DCLK2: variants seen among roughly 807,000 people sequenced by gnomAD.
The protein encoded by DCLK2 is doublecortin like kinase 2, also known as serine/threonine-protein kinase DCLK2.
DCLK2 carries 31 observed loss-of-function variants against 78.4 expected under a neutral mutation model. The observed-to-expected ratio is 0.40, with a 90% CI of 0.30 to 0.53. The LOEUF (loss-of-function observed/expected upper bound fraction) is 0.53. Among genes scored for constraint, DCLK2 ranks in the 20% least tolerant of loss-of-function variants. The pLI is 0.61. For synonymous variants in DCLK2, 407 were observed against 374.9 expected (o/e 1.09, Z -0.99); for missense variants, 872 against 973.7 (o/e 0.90, Z 1.39).
chr4:150,220,403 A>G (rs879135902), intron 5 of DCLK2, among the ~76,000 whole-genome samples: 1 of 152,220 alleles, frequency 6.6e-6, no homozygotes, highest in African/African-American at 2.4e-5. Context: ...ACTAATAACT[A>G]TCTTATCCAG....
intron 2 of DCLK2, among the ~76,000 whole-genome samples, chr4:150,178,421 C>T (rs541327667): frequency 5.9e-4 from 90 of 151,980 alleles, no homozygotes; most frequent in African/African-American, 1.9e-3. Context: ...ATAATTCAAA[C>T]GGATGGCATG....
At chr4:150,252,016 C>T (rs997525093) in intron 15 of DCLK2, among the ~76,000 whole-genome samples, 1 of 152,116 alleles carries the variant, frequency 6.6e-6, no homozygotes, top group Non-Finnish European at 1.5e-5. Context: ...TTTGGGGGCG[C>T]TCTGTGCCAA....
intron 5 of DCLK2, among the ~76,000 whole-genome samples, chr4:150,207,233 G>A (rs1383886873): frequency 1.3e-5 from 2 of 152,202 alleles, no homozygotes; most frequent in Non-Finnish European, 2.9e-5. Context: ...ATGTGCAGGA[G>A]CTGACAGTCT....
intron 2 of DCLK2, chr4:150,175,527 C>T (rs923250955): frequency 5.3e-5 from 8 of 151,932 alleles, no homozygotes; most frequent in Non-Finnish European, 1.2e-4. Flanking sequence ...TAAGGCAGAA[C>T]ACGTGAGAAA....
intron 5 of DCLK2, among the ~76,000 whole-genome samples, chr4:150,214,818 C>G (rs1008315738): frequency 6.6e-6 from 1 of 151,904 alleles, no homozygotes; most frequent in Non-Finnish European, 1.5e-5. Context: ...AAAAATTAGC[C>G]AGGCGTGGTG....
At chr4:150,104,027 C>T (rs1038524331) in intron 2 of DCLK2, among the ~76,000 whole-genome samples, 1 of 151,656 alleles carries the variant, frequency 6.6e-6, no homozygotes, top group African/African-American at 2.4e-5. Context: ...TTTGACAAAT[C>T]AAATAGTTGA....
intron 2 of DCLK2, among the ~76,000 whole-genome samples, chr4:150,177,466 C>G (rs1737175563): frequency 6.6e-6 from 1 of 152,044 alleles, no homozygotes; most frequent in Non-Finnish European, 1.5e-5. Context: ...ACATCTTTTC[C>G]TCCATCGAAG....
intron 3 of DCLK2, among the ~76,000 whole-genome samples, chr4:150,197,511 T>C (rs1373031990): frequency 6.6e-6 from 1 of 152,152 alleles, no homozygotes; most frequent in Admixed American, 6.5e-5. Context: ...CCTAGCACTT[T>C]GGGAGGCTGA....
At position 150,255,901 on chromosome 4, in the gene DCLK2, G is replaced by A. The variant is rs1006233116; in HGVS notation, c.2074-119G>A. ...GTGAGGCTTCTGTTAGAAGCTTGGC[G>A]TTATTTCTCCTCTTCTGTTTCTGAG... On this transcript the variant is annotated intron_variant, in intron 15 of 15. Transcript: ENST00000296550. The A allele has an allele frequency of 1.3e-5, 19 of 1,452,930 alleles. No individual in the cohort carries two copies. In the African/African-American group the frequency reaches 2.0e-4, roughly 15 times the overall value. The allele number at this position is 1,452,930 out of a possible 1,614,324, so 90.0% of individuals were successfully genotyped here. A position where few individuals can be genotyped will look rare whatever the true frequency, so the allele number is the denominator to read the frequency against.
At chr4:150,220,068 C>T (rs1419327915) in intron 5 of DCLK2, among the ~76,000 whole-genome samples, 3 of 152,112 alleles carry the variant, frequency 2.0e-5, no homozygotes, top group African/African-American at 7.2e-5. Context: ...AGGACTTGGA[C>T]CAGGGTGGTG....
chr4:150,105,285 A>G (rs994787567), intron 2 of DCLK2, among the ~76,000 whole-genome samples: 5 of 152,180 alleles, frequency 3.3e-5, no homozygotes, highest in African/African-American at 1.2e-4. Flanking sequence ...GCAAGGGTTT[A>G]TATGCTTTAA....
intron 2 of DCLK2, among the ~76,000 whole-genome samples, chr4:150,105,721 C>T (rs867461441): frequency 7.2e-5 from 11 of 151,856 alleles, no homozygotes; most frequent in Middle Eastern, 3.2e-3. Context: ...TGTTATATTA[C>T]CATGGAATTC....
chr4:150,206,706 A>G (rs1015966411), intron 5 of DCLK2, among the ~76,000 whole-genome samples: 19 of 152,210 alleles, frequency 1.2e-4, no homozygotes, highest in African/African-American at 4.3e-4. Context: ...ACTGAATTTT[A>G]CATTAAACAT....
At chr4:150,154,388 A>G (rs981480716) in intron 2 of DCLK2, among the ~76,000 whole-genome samples, 3 of 152,196 alleles carry the variant, frequency 2.0e-5, no homozygotes, top group African/African-American at 7.2e-5. Flanking sequence ...GCAAAGATAA[A>G]CCAGATTGGA....
At chr4:150,180,529 C>T (rs766971235) in intron 2 of DCLK2, among the ~76,000 whole-genome samples, 5 of 152,176 alleles carry the variant, frequency 3.3e-5, no homozygotes, top group Admixed American at 6.5e-5. Flanking sequence ...TGCTTGAACA[C>T]GTTCCACTCT....
chr4:150,227,937 C>G (rs1203630555), intron 8 of DCLK2, among the ~76,000 whole-genome samples: 2 of 152,216 alleles, frequency 1.3e-5, no homozygotes, highest in African/African-American at 4.8e-5. Flanking sequence ...AAATTACTCT[C>G]TTCACAGTTC....
rs183439189 is a variant in DCLK2 at position 150,145,720 on chromosome 4, C to T, written c.756+42908C>T. ...CTTAGCCCAGTTTGATTGATAGCAACGTAACTTAACCCCTTTGAACATCAG... is the reference window on the plus strand; with the variant it reads ...CTTAGCCCAGTTTGATTGATAGCAATGTAACTTAACCCCTTTGAACATCAG... On this transcript the variant is annotated intron_variant, in intron 2 of 15. Coordinates refer to ENST00000296550, the MANE Select transcript of DCLK2 (RefSeq NM_001040260.4). Among the ~76,000 whole-genome samples, 13 of 152,238 alleles carry T rather than the reference C, an allele frequency of 8.5e-5. 1 individual carries two copies. The highest frequency in any genetic ancestry group is 4.1e-4 in the South Asian group (2 of 4,820).
At chr4:150,151,042 G>A (rs1010011192) in intron 2 of DCLK2, among the ~76,000 whole-genome samples, 6 of 152,276 alleles carry the variant, frequency 3.9e-5, no homozygotes, top group South Asian at 2.1e-4. Flanking sequence ...CCTGCTTGTC[G>A]CCAGCTCTCC....
chr4:150,134,666 T>A (rs1733566884), intron 2 of DCLK2, among the ~76,000 whole-genome samples: 1 of 152,206 alleles, frequency 6.6e-6, no homozygotes, highest in Non-Finnish European at 1.5e-5. Context: ...GAAGCACGTA[T>A]AATTGCTTTC....
Sources: allele counts gnomAD v4.1 joint callset (sites outside exome capture counted in the v4.1 genomes callset), GRCh38; gene constraint gnomAD v4.1.1; transcripts MANE v1.5; gene names NCBI Gene and HGNC (gene_info 2026-07-23, HGNC 2026-07-21).